Variants in ADAMTSL1 observed in about 807,000 individuals in gnomAD.
The protein encoded by ADAMTSL1 is ADAMTS-like protein 1.
ADAMTSL1 carries 126 observed loss-of-function variants against 201.8 expected under a neutral mutation model. That is an observed-to-expected ratio of 0.62 (90% confidence interval 0.54 to 0.72). ADAMTSL1 has a LOEUF of 0.72. Among genes scored for constraint, ADAMTSL1 ranks in the 30% least tolerant of loss-of-function variants. The probability of loss-of-function intolerance (pLI) is 0.00; values close to 1 mark genes in which losing one functional copy is unlikely to be tolerated. For missense variants in ADAMTSL1, 2,679 were observed against 2,277.8 expected, an observed-to-expected ratio of 1.18 and a Z score of -3.59; for synonymous variants, 1,121 against 903.4, an observed-to-expected ratio of 1.24 and a Z score of -4.32.
intron 1 of ADAMTSL1, among the ~76,000 whole-genome samples, chr9:18,030,739 G>A (rs990562256): frequency 6.6e-6 from 1 of 151,978 alleles, no homozygotes; most frequent in Non-Finnish European, 1.5e-5. Context: ...TTTGTGGACT[G>A]TATACTCAAA....
chr9:18,102,925 C>G (rs549041099), intron 1 of ADAMTSL1, among the ~76,000 whole-genome samples: 8 of 152,284 alleles, frequency 5.3e-5, no homozygotes, highest in Non-Finnish European at 1.0e-4. Flanking sequence ...AATCCAGAGA[C>G]GAAGAGCCCA....
chr9:18,449,621 A>T (rs1820327720), intron 2 of ADAMTSL1, among the ~76,000 whole-genome samples: 1 of 152,164 alleles, frequency 6.6e-6, no homozygotes, highest in Non-Finnish European at 1.5e-5. Flanking sequence ...TGTAATTGCA[A>T]AGACACATAT....
At chr9:18,579,663 C>T (rs1822973530) in intron 4 of ADAMTSL1, among the ~76,000 whole-genome samples, 1 of 152,094 alleles carries the variant, frequency 6.6e-6, no homozygotes, top group African/African-American at 2.4e-5. Flanking sequence ...ACTGACTTCC[C>T]AATGAATGAG....
intron 4 of ADAMTSL1, among the ~76,000 whole-genome samples, chr9:18,596,038 A>T (rs894214668): frequency 2.6e-5 from 4 of 152,166 alleles, no homozygotes; most frequent in Non-Finnish European, 5.9e-5. Context: ...GTTACCTCCT[A>T]TTCTGCTATC....
chr9:18,257,340 C>G (rs931386661), intron 2 of ADAMTSL1, among the ~76,000 whole-genome samples: 1 of 152,108 alleles, frequency 6.6e-6, no homozygotes, highest in African/African-American at 2.4e-5. Flanking sequence ...AAATCCAACT[C>G]AATTAAAAAT....
At chr9:18,581,003 A>C (rs1823057915) in intron 4 of ADAMTSL1, among the ~76,000 whole-genome samples, 1 of 151,912 alleles carries the variant, frequency 6.6e-6, no homozygotes, top group Admixed American at 6.6e-5. Context: ...AAATTCCTTT[A>C]CATGGTGGCT....
intron 1 of ADAMTSL1, among the ~76,000 whole-genome samples, chr9:18,075,909 C>G (rs1823200661): frequency 6.6e-6 from 1 of 152,166 alleles, no homozygotes; most frequent in Non-Finnish European, 1.5e-5. Context: ...AAGTCCCAAA[C>G]CAGCATTCAA....
intron 1 of ADAMTSL1, among the ~76,000 whole-genome samples, chr9:18,078,382 T>C (rs1295806991): frequency 1.3e-5 from 2 of 152,174 alleles, no homozygotes; most frequent in Non-Finnish European, 2.9e-5. Flanking sequence ...AATACAAATG[T>C]TGAGTTTCTA....
At chr9:18,523,545 G>A (rs35136150) in intron 2 of ADAMTSL1, among the ~76,000 whole-genome samples, 1 of 152,050 alleles carries the variant, frequency 6.6e-6, no homozygotes, top group Admixed American at 6.6e-5. Flanking sequence ...GTATTGCCTA[G>A]GTTTTCTTCT....
chr9:18,347,295 G>T (rs989878771), intron 2 of ADAMTSL1, among the ~76,000 whole-genome samples: 1 of 152,014 alleles, frequency 6.6e-6, no homozygotes, highest in East Asian at 1.9e-4. Flanking sequence ...GCAGGAATTT[G>T]GTTGTGGTAA....
At chr9:18,709,969 G>A (rs1192804029) in intron 14 of ADAMTSL1, among the ~76,000 whole-genome samples, 1 of 152,160 alleles carries the variant, frequency 6.6e-6, no homozygotes, top group Non-Finnish European at 1.5e-5. Flanking sequence ...GCTTAAACAT[G>A]TTCTCTGTCG....
Position 18,908,560 on chromosome 9 carries a change from G to C in ADAMTSL1, c.*12G>C. ...GTGGCAAAGCGTGAAGATAGGGTGT[G>C]GGGAAAAACTCTACCCTGGCCACAC... On this transcript the variant is annotated 3_prime_UTR_variant, in exon 29 of 29. Transcript: ENST00000380548. 1 of 1,552,820 alleles carries C rather than the reference G, an allele frequency of 6.4e-7. No homozygotes were observed. Among genetic ancestry groups the C allele is most frequent in the Non-Finnish European group, 8.7e-7 (1 of 1,147,052 alleles).
intron 20 of ADAMTSL1, among the ~76,000 whole-genome samples, chr9:18,798,894 C>A (rs970606329): frequency 6.6e-6 from 1 of 152,172 alleles, no homozygotes; most frequent in African/African-American, 2.4e-5. Flanking sequence ...AGAATACAGC[C>A]AAACCTTCCT....
chr9:18,173,123 C>T (rs552298737), intron 2 of ADAMTSL1, among the ~76,000 whole-genome samples: 1 of 152,026 alleles, frequency 6.6e-6, no homozygotes, highest in Non-Finnish European at 1.5e-5. Flanking sequence ...CACATATTTG[C>T]TTCATTATTT....
intron 4 of ADAMTSL1, among the ~76,000 whole-genome samples, chr9:18,602,667 G>T (rs1824739244): frequency 6.6e-6 from 1 of 152,144 alleles, no homozygotes; most frequent in Non-Finnish European, 1.5e-5. Flanking sequence ...CCCAAATCTA[G>T]TACAAGTTCC....
chr9:18,350,890 A>T (rs562099246), intron 2 of ADAMTSL1, among the ~76,000 whole-genome samples: 6 of 152,264 alleles, frequency 3.9e-5, no homozygotes, highest in African/African-American at 1.4e-4. Context: ...TTCTATTAGG[A>T]GAAAAGGTGG....
intron 1 of ADAMTSL1, among the ~76,000 whole-genome samples, chr9:18,032,309 C>G (rs1161752676): frequency 1.3e-5 from 2 of 152,228 alleles, no homozygotes; most frequent in Non-Finnish European, 2.9e-5. Context: ...CAATACCCCT[C>G]AGGGTAGTGT....
chr9:18,631,780 C>T (rs1826795408), intron 5 of ADAMTSL1, among the ~76,000 whole-genome samples: 1 of 151,942 alleles, frequency 6.6e-6, no homozygotes, highest in Admixed American at 6.6e-5. Context: ...AGGTACAGTC[C>T]TTGGGAAGAA....
At chr9:18,752,815 T>G (rs1295608535) in intron 15 of ADAMTSL1, among the ~76,000 whole-genome samples, 1 of 152,214 alleles carries the variant, frequency 6.6e-6, no homozygotes, top group Non-Finnish European at 1.5e-5. Context: ...CAATGGAACT[T>G]TAAAGGAAGC....
Sources: allele counts gnomAD v4.1 joint callset (sites outside exome capture counted in the v4.1 genomes callset), GRCh38; gene constraint gnomAD v4.1.1; transcripts MANE v1.5; gene names NCBI Gene and HGNC (gene_info 2026-07-23, HGNC 2026-07-21).